The following PTCD2 variants were observed in gnomAD, a reference collection of about 807,000 sequenced individuals.
PTCD2 encodes the protein pentatricopeptide repeat domain 2.
A neutral mutation model predicts 42.6 loss-of-function variants in PTCD2; 31 were observed. The observed-to-expected ratio is 0.73, with a 90% CI of 0.55 to 0.98. The LOEUF (loss-of-function observed/expected upper bound fraction) is 0.98. Ranked by LOEUF, PTCD2 falls within the 50% of genes least tolerant of loss-of-function variation. The pLI, the probability that PTCD2 is intolerant of heterozygous loss-of-function variation, is 0.00. For synonymous variants in PTCD2, 183 were observed against 170.9 expected (o/e 1.07, Z -0.55); for missense variants, 476 against 454.8 (o/e 1.05, Z -0.42).
At chr5:72,322,058 T>A in intron 1 of PTCD2, 114 bp from the exon 2 acceptor site, 1 of 620,854 alleles carries the variant, frequency 1.6e-6, no homozygotes, top group Admixed American at 2.7e-5. Context: ...TATTTGTACC[T>A]GTCTAATGGA....
At position 72,364,814 on chromosome 5, in the gene PTCD2, C is replaced by T. The variant is rs574243245; in HGVS notation, c.*6387C>T. ...ATGTACTGGACCAGGGCCCCTGTAT[C>T]TTGCAGTAATGTATCCGTGGGCGTT... On this transcript the variant is annotated 3_prime_UTR_variant, in exon 10 of 10. Transcript: ENST00000380639. 1 of 152,324 alleles carries T rather than the reference C, an allele frequency of 6.6e-6. No individual in the cohort carries two copies. Among genetic ancestry groups the T allele is most frequent in the African/African-American group, 2.4e-5 (1 of 41,562 alleles). 9.4% of individuals were successfully genotyped at this position (152,324 alleles called of 1,614,324 possible).
chr5:72,330,470 A>T (rs1032964843), intron 3 of PTCD2, among the ~76,000 whole-genome samples: 1 of 152,200 alleles, frequency 6.6e-6, no homozygotes, highest in East Asian at 1.9e-4. Context: ...AAATATGAAT[A>T]TGAAGATTCT....
At chr5:72,323,464 C>T (rs1750970380) in intron 2 of PTCD2, among the ~76,000 whole-genome samples, 3 of 151,990 alleles carry the variant, frequency 2.0e-5, no homozygotes, top group African/African-American at 7.3e-5. Flanking sequence ...TGTGTGGATG[C>T]AGCAGTGGTC....
intron 4 of PTCD2, among the ~76,000 whole-genome samples, chr5:72,332,156 C>G (rs1751471538): frequency 6.6e-6 from 1 of 152,164 alleles, no homozygotes; most frequent in African/African-American, 2.4e-5. Flanking sequence ...CACCAGGTAC[C>G]TTTTTGTATA....
intron 2 of PTCD2, among the ~76,000 whole-genome samples, chr5:72,324,409 C>A (rs1403304465): frequency 6.6e-6 from 1 of 152,228 alleles, no homozygotes; most frequent in Non-Finnish European, 1.5e-5. Flanking sequence ...GGACTCCGCC[C>A]TTTCTAGGAC....
At chr5:72,334,429 C>T (rs1263529731) in intron 4 of PTCD2, among the ~76,000 whole-genome samples, 3 of 152,222 alleles carry the variant, frequency 2.0e-5, no homozygotes, top group Non-Finnish European at 4.4e-5. Flanking sequence ...TTCTTTTCTC[C>T]TAAGCATGAC....
At chr5:72,354,015 T>G (rs1366379559) in intron 9 of PTCD2, among the ~76,000 whole-genome samples, 1 of 152,108 alleles carries the variant, frequency 6.6e-6, no homozygotes, top group Non-Finnish European at 1.5e-5. Flanking sequence ...TAAAACCTGT[T>G]TTTTCATGTG....
chr5:72,338,644 T>A lies in PTCD2; in HGVS notation c.662T>A (p.Ile221Asn). The A allele has an allele frequency of 6.2e-7, 1 of 1,607,116 alleles. No homozygotes were observed. The highest frequency in any genetic ancestry group is 8.5e-7 in the Non-Finnish European group (1 of 1,174,506). Residue 221 changes from isoleucine (I) to asparagine (N), a missense_variant, in exon 7 of 10, where the codon ATC (isoleucine) becomes AAC (asparagine). Coordinates refer to ENST00000380639, the MANE Select transcript of PTCD2 (RefSeq NM_024754.5). ...YKLNSPESFK[I>N]CTTLREEALL... Reference sequence around the variant, plus strand: ...CAGAATAGCCCTGAGTCTTTCAAAATCTGTACTACATTAAGAGAAGAAGCT... The same window carrying A: ...CAGAATAGCCCTGAGTCTTTCAAAAACTGTACTACATTAAGAGAAGAAGCT...
rs777290438 is a variant in PTCD2, at chr5:72,322,183, C to G, written c.139C>G (p.Leu47Val). Residue 47 changes from leucine (L) to valine (V), a missense_variant, in exon 2 of 10, where the codon CTA (leucine) becomes GTA (valine). Leu to Val is a conservative substitution (Grantham distance 32). Coordinates refer to ENST00000380639, the MANE Select transcript of PTCD2 (RefSeq NM_024754.5). The part of the protein sequence containing the change: ...CRCPLGAKRY[L>V]LTDNVVKLKE... ...TCTCTGATTTTTAGCTAAAAGATAC[C>G]TACTTACAGATAATGTGGTGAAATT... 6 of 1,571,492 alleles carry G rather than the reference C, an allele frequency of 3.8e-6. No homozygotes were observed. The highest frequency in any genetic ancestry group is 3.3e-5 in the South Asian group (3 of 89,572).
At chr5:72,323,588 G>A (rs1366796855) in intron 2 of PTCD2, among the ~76,000 whole-genome samples, 1 of 151,692 alleles carries the variant, frequency 6.6e-6, no homozygotes, top group African/African-American at 2.4e-5. Flanking sequence ...CATAGACCCA[G>A]CTCTCCTTCC....
intron 2 of PTCD2, among the ~76,000 whole-genome samples, chr5:72,325,251 A>G (rs1419184875): frequency 1.3e-5 from 2 of 152,208 alleles, no homozygotes; most frequent in East Asian, 3.8e-4. Flanking sequence ...AGGATTAAGG[A>G]GTACAAGATG....
At chr5:72,342,547 A>G (rs536108070) in intron 7 of PTCD2, among the ~76,000 whole-genome samples, 2 of 152,168 alleles carry the variant, frequency 1.3e-5, no homozygotes, top group African/African-American at 4.8e-5. Flanking sequence ...TCTGCCTCTG[A>G]CTGCTTTCTC....
At chr5:72,353,330 C>T (rs2112226588) in intron 9 of PTCD2, among the ~76,000 whole-genome samples, 1 of 152,292 alleles carries the variant, frequency 6.6e-6, no homozygotes, top group East Asian at 1.9e-4. Flanking sequence ...CCCTGTGGGT[C>T]ATTCTTGTCA....
chr5:72,347,289 A>G (rs1211095497), intron 8 of PTCD2, among the ~76,000 whole-genome samples: 1 of 152,222 alleles, frequency 6.6e-6, no homozygotes, highest in African/African-American at 2.4e-5. Context: ...AAAGAACACA[A>G]GACTGGATGT....
At chr5:72,349,827 A>G (rs988057237) in intron 8 of PTCD2, among the ~76,000 whole-genome samples, 1 of 152,150 alleles carries the variant, frequency 6.6e-6, no homozygotes, top group Admixed American at 6.5e-5. Context: ...TTTGCCTTTT[A>G]TCGGTGACTG....
chr5:72,344,632 G>A (rs1307083035), intron 8 of PTCD2, among the ~76,000 whole-genome samples: 2 of 152,026 alleles, frequency 1.3e-5, no homozygotes, highest in South Asian at 2.1e-4. Flanking sequence ...AGTTATTGGG[G>A]GAACCTGCCC....
chr5:72,327,247 A>G (rs972423858), intron 3 of PTCD2, among the ~76,000 whole-genome samples: 9 of 151,862 alleles, frequency 5.9e-5, no homozygotes, highest in Non-Finnish European at 8.8e-5. Flanking sequence ...AATGTCTCTC[A>G]CCTAAATCCT....
chr5:72,362,342 A>G lies in PTCD2; in HGVS notation c.*3915A>G, dbSNP rs1753114662. On this transcript the variant is annotated 3_prime_UTR_variant, in exon 10 of 10. Transcript: ENST00000380639. ...TCCTTTAAGCGAGGTCATGGCAAAA[A>G]GACGCTGTCTATGAACCAGAAAATG... 6.6e-6 allele frequency: 1 copy of G among 152,206 alleles called. No individual in the cohort carries two copies. The highest frequency in any genetic ancestry group is 1.5e-5 in the Non-Finnish European group (1 of 68,042). 9.4% of individuals were successfully genotyped at this position (152,206 alleles called of 1,614,324 possible). A position where few individuals can be genotyped will look rare whatever the true frequency, so the allele number is the denominator to read the frequency against.
chr5:72,331,460 C>A, intron 4 of PTCD2, 85 bp downstream of exon 4: 1 of 987,606 alleles, frequency 1.0e-6, no homozygotes, highest in Non-Finnish European at 1.6e-6. Flanking sequence ...TACATTATTC[C>A]TGGGTTAGAT....
Sources: gnomAD v4.1 joint callset for allele counts (sites outside exome capture counted in the v4.1 genomes callset) on GRCh38, gnomAD v4.1.1 for gene constraint, MANE v1.5 for transcripts, NCBI Gene and HGNC (gene_info 2026-07-23, HGNC 2026-07-21) for gene names.